The following KANK4 variants were observed in gnomAD, a reference collection of about 807,000 sequenced individuals.
KANK4 encodes KN motif and ankyrin repeat domains 4, also known as KN motif and ankyrin repeat domain-containing protein 4.
A neutral mutation model predicts 80.8 loss-of-function variants in KANK4; 50 were observed. The ratio of observed to expected loss-of-function variants is 0.62; its 90% CI spans 0.49 to 0.78. The LOEUF is 0.78. Among genes scored for constraint, KANK4 ranks in the 30% least tolerant of loss-of-function variants. The pLI, the probability that KANK4 is intolerant of heterozygous loss-of-function variation, is 0.00. For missense variants in KANK4, 1,196 were observed against 1,240.1 expected (o/e 0.96, Z 0.53); for synonymous variants, 465 against 506.9 (o/e 0.92, Z 1.11).
At chr1:62,277,772 T>C (rs1571010921) in intron 2 of KANK4, among the ~76,000 whole-genome samples, 1 of 152,202 alleles carries the variant, frequency 6.6e-6, no homozygotes, top group Non-Finnish European at 1.5e-5. Context: ...TCAGCCTTCA[T>C]CTGACTTTAA....
chr1:62,285,598 T>C (rs893983168), intron 1 of KANK4, among the ~76,000 whole-genome samples: 3 of 152,186 alleles, frequency 2.0e-5, no homozygotes, highest in Non-Finnish European at 2.9e-5. Context: ...GCAGGCTGCA[T>C]GCCAAAATAA....
intron 1 of KANK4, among the ~76,000 whole-genome samples, chr1:62,303,083 AG>A (rs1644425373): frequency 6.6e-6 from 1 of 152,130 alleles, no homozygotes; most frequent in Non-Finnish European, 1.5e-5. Context: ...TCAAGAGCTG[AG>A]ACTGAGGGCT....
At chr1:62,282,218 C>G (rs190146782) in intron 1 of KANK4, among the ~76,000 whole-genome samples, 1 of 152,040 alleles carries the variant, frequency 6.6e-6, no homozygotes, top group African/African-American at 2.4e-5. Flanking sequence ...CTGGGTGGCC[C>G]GAAGACATGG....
chr1:62,284,409 T>C (rs148117642), intron 1 of KANK4, among the ~76,000 whole-genome samples: 3,737 of 152,256 alleles, frequency 0.025, 74 homozygotes, highest in South Asian at 0.078. Context: ...CTCCGCCTCC[T>C]GGGTTCAAGC....
intron 9 of KANK4, among the ~76,000 whole-genome samples, chr1:62,246,013 A>C (rs917256786): frequency 2.4e-4 from 36 of 152,114 alleles, no homozygotes; most frequent in Non-Finnish European, 2.9e-5. Context: ...CTAGCTGAGT[A>C]ATCTTGGGTA....
intron 1 of KANK4, among the ~76,000 whole-genome samples, chr1:62,305,542 C>T (rs1326629869): frequency 6.6e-6 from 1 of 152,064 alleles, no homozygotes; most frequent in Admixed American, 6.6e-5. Flanking sequence ...AACTCCTGAC[C>T]TAAGGTGATC....
chr1:62,285,403 C>T (rs1446090803), intron 1 of KANK4, among the ~76,000 whole-genome samples: 11 of 152,126 alleles, frequency 7.2e-5, no homozygotes, highest in Non-Finnish European at 8.8e-5. Flanking sequence ...AGCATTTATC[C>T]GCACCCTCTC....
chr1:62,287,260 G>A (rs764033503), intron 1 of KANK4, among the ~76,000 whole-genome samples: 1 of 152,210 alleles, frequency 6.6e-6, no homozygotes, highest in Non-Finnish European at 1.5e-5. Flanking sequence ...GGAGGGGCCA[G>A]GAAAGCGTCT....
intron 2 of KANK4, among the ~76,000 whole-genome samples, chr1:62,278,376 C>CCTTCCTTCCTTCCTTT (rs1553130855): frequency 1.5e-4 from 5 of 32,316 alleles, no homozygotes; most frequent in Non-Finnish European, 2.6e-4. Flanking sequence ...TTCCTTCCTT[C>CCTTCCTTCCTTCCTTT]CTTTCTTTCT....
intron 8 of KANK4, among the ~76,000 whole-genome samples, chr1:62,248,575 C>A (rs1427146543): frequency 6.7e-6 from 1 of 149,172 alleles, no homozygotes; most frequent in Non-Finnish European, 1.5e-5. Flanking sequence ...GACAAAGTCT[C>A]ACTCTTGTCG....
Position 62,273,305 on chromosome 1 carries a change from T to TG in KANK4, c.1798dup (p.Gln600ProfsTer43), listed in dbSNP as rs1187448965. The TG allele has an allele frequency of 6.2e-7, 1 of 1,602,134 alleles. No homozygotes were observed. Among genetic ancestry groups the TG allele is most frequent in the East Asian group, 2.2e-5 (1 of 44,560 alleles). ...GTTGAGGGAGCTCAGCAGCTGGCTCTGGATGCTGCTGAGCTTGGAGGCTGG... is the reference window on the plus strand; with the variant it reads ...GTTGAGGGAGCTCAGCAGCTGGCTCTGGGATGCTGCTGAGCTTGGAGGCTGG... On this transcript the variant is annotated frameshift_variant, in exon 3 of 10. Transcript: ENST00000371153. LOFTEE classifies it high-confidence loss of function.
intron 1 of KANK4, among the ~76,000 whole-genome samples, chr1:62,303,473 G>A (rs1344516845): frequency 3.3e-5 from 5 of 151,910 alleles, no homozygotes; most frequent in Admixed American, 3.3e-4. Flanking sequence ...CCAGCCCCCC[G>A]ACCCAAAGGC....
chr1:62,306,763 C>A (rs1352747850), intron 1 of KANK4, among the ~76,000 whole-genome samples: 1 of 152,046 alleles, frequency 6.6e-6, no homozygotes. Flanking sequence ...ATTGTAAAGG[C>A]CACCCCCTCC....
intron 1 of KANK4, 85 bp from the exon 2 acceptor site, chr1:62,281,719 A>C: frequency 1.2e-6 from 1 of 862,560 alleles, no homozygotes; most frequent in Non-Finnish European, 1.9e-6. Context: ...ACAAAGTAAC[A>C]TCCATCCCTG....
chr1:62,259,979 T>G (rs935820232), intron 7 of KANK4, among the ~76,000 whole-genome samples: 1 of 152,246 alleles, frequency 6.6e-6, no homozygotes, highest in South Asian at 2.1e-4. Context: ...AGCCTCATCA[T>G]GCACCTGTCT....
chr1:62,301,692 C>T (rs1349904683), intron 1 of KANK4, among the ~76,000 whole-genome samples: 8 of 151,792 alleles, frequency 5.3e-5, no homozygotes, highest in African/African-American at 1.7e-4. Context: ...ATAGCTAACA[C>T]GAGAAAAAAA....
At chr1:62,302,516 G>A (rs767079598) in intron 1 of KANK4, among the ~76,000 whole-genome samples, 7 of 152,020 alleles carry the variant, frequency 4.6e-5, no homozygotes, top group Non-Finnish European at 1.0e-4. Context: ...TCTAAAATTC[G>A]TATGTTGAAA....
chr1:62,301,165 A>G (rs933572949), intron 1 of KANK4, among the ~76,000 whole-genome samples: 2 of 152,100 alleles, frequency 1.3e-5, no homozygotes, highest in African/African-American at 4.8e-5. Context: ...TAAGCAGAAC[A>G]TGAAACAGAC....
intron 2 of KANK4, among the ~76,000 whole-genome samples, chr1:62,281,322 G>A (rs781738293): frequency 1.2e-4 from 19 of 152,220 alleles, no homozygotes; most frequent in Admixed American, 1.3e-4. Context: ...TAAATGACTT[G>A]TAGAATCACT....
Sources: gnomAD v4.1 joint callset for allele counts (sites outside exome capture counted in the v4.1 genomes callset) on GRCh38, gnomAD v4.1.1 for gene constraint, MANE v1.5 for transcripts, NCBI Gene and HGNC (gene_info 2026-07-23, HGNC 2026-07-21) for gene names.